Variants in CDH7 observed in about 807,000 individuals in gnomAD.
CDH7 encodes the protein cadherin 7.
A neutral mutation model predicts 71.8 loss-of-function variants in CDH7; 25 were observed. That is an observed-to-expected ratio of 0.35 (90% CI 0.25 to 0.49). The LOEUF (loss-of-function observed/expected upper bound fraction) is 0.49. Ranked by LOEUF, CDH7 falls within the 20% of genes least tolerant of loss-of-function variation. The pLI, the probability that CDH7 is intolerant of heterozygous loss-of-function variation, is 0.99. For missense variants in CDH7, 862 were observed against 974.6 expected (o/e 0.88, Z 1.54); for synonymous variants, 381 against 363.8 (o/e 1.05, Z -0.54).
intron 2 of CDH7, among the ~76,000 whole-genome samples, chr18:65,776,361 AAC>A (rs66695422): frequency 0.082 from 11,377 of 139,424 alleles, 455 homozygotes; most frequent in African/African-American, 0.11. Context: ...GAAAGTACAG[AAC>A]ACACACACAC....
At position 65,862,148 on chromosome 18, in the gene CDH7, C is replaced by T. The variant is rs535747071; in HGVS notation, c.1613-518C>T. Among the ~76,000 whole-genome samples, 41 of 151,970 alleles carry T rather than the reference C, an allele frequency of 2.7e-4. 1 individual carries two copies. In the South Asian group the frequency reaches 3.1e-3, roughly 12 times the overall value. On this transcript the variant is annotated intron_variant, in intron 10 of 11. Coordinates refer to ENST00000397968, the MANE Select transcript of CDH7 (RefSeq NM_004361.5). The stretch of plus-strand genomic sequence containing the variant: ...CCTATATATAATTTTCAAAATTTTA[C>T]GATAAAATTCTTCTGAATATCCCTG...
chr18:65,847,055 A>G (rs988766112), intron 7 of CDH7, among the ~76,000 whole-genome samples: 3 of 152,032 alleles, frequency 2.0e-5, no homozygotes, highest in Non-Finnish European at 4.4e-5. Context: ...TAGATATAAC[A>G]TATTGTATGG....
rs1369017225 is a variant in CDH7, at chr18:65,858,920, A to G, written c.1373-5A>G. The G allele has an allele frequency of 1.2e-6, 2 of 1,611,188 alleles. No individual in the cohort carries two copies. The highest frequency in any genetic ancestry group is 8.5e-7 in the Non-Finnish European group (1 of 1,177,628). On this transcript the variant is annotated splice_polypyrimidine_tract_variant and splice_region_variant and intron_variant, in intron 8 of 11. Transcript: ENST00000397968. The stretch of plus-strand genomic sequence containing the variant: ...TAAATGATAAGACACTGTCTTATTT[A>G]TTAGAGAATCCATCTCAAGTAGGAA...
At position 65,872,908 on chromosome 18, in the gene CDH7, T is replaced by A. The variant is rs562497711; in HGVS notation, c.1865-7493T>A. On this transcript the variant is annotated intron_variant, in intron 11 of 11. Coordinates refer to ENST00000397968, the MANE Select transcript of CDH7 (RefSeq NM_004361.5). Reference sequence around the variant, plus strand: ...AATAAAAAAAGATTAAAATTAATTTTAAAAAATTAAAATGTCTATAAAAAT... The same window carrying A: ...AATAAAAAAAGATTAAAATTAATTTAAAAAAATTAAAATGTCTATAAAAAT... Among the ~76,000 whole-genome samples, 177 of 151,512 alleles carry A rather than the reference T, an allele frequency of 1.2e-3. 1 individual carries two copies. The highest frequency in any genetic ancestry group is 4.1e-3 in the African/African-American group (171 of 41,394).
chr18:65,758,295 T>C (rs1350648104), intron 1 of CDH7, among the ~76,000 whole-genome samples: 1 of 152,174 alleles, frequency 6.6e-6, no homozygotes, highest in Non-Finnish European at 1.5e-5. Flanking sequence ...TGAAACCAGT[T>C]GAACTGCTAT....
At chr18:65,871,493 G>A (rs1006624445) in intron 11 of CDH7, among the ~76,000 whole-genome samples, 6 of 152,138 alleles carry the variant, frequency 3.9e-5, no homozygotes, top group African/African-American at 9.7e-5. Flanking sequence ...GCTGAGGGAC[G>A]GGACTTGAGG....
chr18:65,850,685 T>C (rs1913118759), intron 7 of CDH7, among the ~76,000 whole-genome samples: 3 of 151,930 alleles, frequency 2.0e-5, no homozygotes, highest in Admixed American at 2.0e-4. Context: ...CCATCAAGAT[T>C]GCATATGAGA....
At chr18:65,769,364 A>G (rs1174048707) in intron 2 of CDH7, among the ~76,000 whole-genome samples, 2 of 152,196 alleles carry the variant, frequency 1.3e-5, no homozygotes, top group African/African-American at 4.8e-5. Context: ...ACAGCCCTGA[A>G]ACAATAAATT....
At chr18:65,852,279 C>G (rs896804576) in intron 7 of CDH7, among the ~76,000 whole-genome samples, 3 of 152,052 alleles carry the variant, frequency 2.0e-5, no homozygotes, top group African/African-American at 4.8e-5. Context: ...GGATCCAACC[C>G]CCAACTGTGA....
intron 4 of CDH7, among the ~76,000 whole-genome samples, chr18:65,818,445 T>C (rs1911800505): frequency 2.0e-5 from 3 of 152,174 alleles, no homozygotes; most frequent in Non-Finnish European, 2.9e-5. Context: ...TTCTCACCTA[T>C]AACATAACAG....
At chr18:65,873,708 C>T (rs1264958693) in intron 11 of CDH7, among the ~76,000 whole-genome samples, 4 of 152,070 alleles carry the variant, frequency 2.6e-5, no homozygotes, top group Non-Finnish European at 5.9e-5. Flanking sequence ...TATTTTATGG[C>T]TAATTAGAAA....
intron 11 of CDH7, among the ~76,000 whole-genome samples, chr18:65,874,247 A>G (rs1413572324): frequency 6.6e-6 from 1 of 152,188 alleles, no homozygotes; most frequent in Non-Finnish European, 1.5e-5. Context: ...ACAAACATAA[A>G]TTTATCCAAT....
chr18:65,812,180 G>A (rs1236319970), intron 3 of CDH7, among the ~76,000 whole-genome samples: 2 of 151,786 alleles, frequency 1.3e-5, no homozygotes, highest in Non-Finnish European at 2.9e-5. Flanking sequence ...TGTTGGCCAG[G>A]ATGGTCTCAA....
chr18:65,870,654 C>T (rs1341130218), intron 11 of CDH7, among the ~76,000 whole-genome samples: 1 of 152,078 alleles, frequency 6.6e-6, no homozygotes, highest in Non-Finnish European at 1.5e-5. Flanking sequence ...CTACCCTGCT[C>T]CTGAAACAGT....
chr18:65,771,156 A>G (rs8090066), intron 2 of CDH7, among the ~76,000 whole-genome samples: 11,839 of 152,080 alleles, frequency 0.078, 1,459 homozygotes, highest in African/African-American at 0.26. Flanking sequence ...CATACCTACA[A>G]ATCAGTCACA....
chr18:65,848,477 G>T (rs1913013767), intron 7 of CDH7, among the ~76,000 whole-genome samples: 1 of 152,158 alleles, frequency 6.6e-6, no homozygotes, highest in South Asian at 2.1e-4. Context: ...AGCACTCCAA[G>T]TTCACTGGCT....
At chr18:65,758,402 C>T (rs1916093437) in intron 1 of CDH7, among the ~76,000 whole-genome samples, 1 of 152,166 alleles carries the variant, frequency 6.6e-6, no homozygotes, top group African/African-American at 2.4e-5. Context: ...TGAGGCCATG[C>T]GACTCTTCCC....
At chr18:65,840,446 C>A (rs551131799) in intron 6 of CDH7, among the ~76,000 whole-genome samples, 3 of 151,828 alleles carry the variant, frequency 2.0e-5, no homozygotes, top group Non-Finnish European at 4.4e-5. Context: ...TGTAAGTATG[C>A]ACTTATATGT....
chr18:65,797,033 C>T (rs1407100328), intron 2 of CDH7, among the ~76,000 whole-genome samples: 3 of 152,152 alleles, frequency 2.0e-5, no homozygotes, highest in African/African-American at 7.2e-5. Flanking sequence ...AGTGGTGTTA[C>T]TGATTCTTCC....
Sources: allele counts gnomAD v4.1 joint callset (sites outside exome capture counted in the v4.1 genomes callset), GRCh38; gene constraint gnomAD v4.1.1; transcripts MANE v1.5; gene names NCBI Gene and HGNC (gene_info 2026-07-23, HGNC 2026-07-21).